SPATA17: variants seen among roughly 807,000 people sequenced by gnomAD.
The protein encoded by SPATA17 is spermatogenesis associated 17.
A neutral mutation model predicts 62.2 loss-of-function variants in SPATA17; 53 were observed. That is an observed-to-expected ratio of 0.85 (90% CI 0.68 to 1.07). The LOEUF (loss-of-function observed/expected upper bound fraction) is 1.07. Ranked by LOEUF, SPATA17 falls within the 50% of genes least tolerant of loss-of-function variation. The pLI is 0.00. For synonymous variants in SPATA17, 146 were observed against 146.8 expected, an observed-to-expected ratio of 0.99 and a Z score of 0.04; for missense variants, 466 against 425.5, an observed-to-expected ratio of 1.10 and a Z score of -0.84.
At chr1:217,667,250 T>C (rs930335355) in intron 3 of SPATA17, among the ~76,000 whole-genome samples, 1 of 151,928 alleles carries the variant, frequency 6.6e-6, no homozygotes, top group African/African-American at 2.4e-5. Context: ...GGTTTCACCA[T>C]GTTGGCCAGG....
At chr1:217,764,328 T>C (rs1391880558) in intron 6 of SPATA17, among the ~76,000 whole-genome samples, 2 of 152,204 alleles carry the variant, frequency 1.3e-5, no homozygotes, top group Non-Finnish European at 1.5e-5. Context: ...TGTCAGATTG[T>C]TGGAGTCATA....
Position 217,782,210 on chromosome 1 carries a change from C to T in SPATA17, c.760C>T (p.Arg254Cys), listed in dbSNP as rs145142638. ...AGATATCACCGAAGTATTAGAACAACGCTACAGGCCTTTGGAGCCAACGTT... is the reference window on the plus strand; with the variant it reads ...AGATATCACCGAAGTATTAGAACAATGCTACAGGCCTTTGGAGCCAACGTT... ...FRDITEVLEQ[R>C]YRPLEPTLRV... The change falls in exon 8 of 11, where the codon CGC (arginine) becomes TGC (cysteine). Residue 254 changes from arginine (R) to cysteine (C), a missense_variant. By Grantham distance (180) the Arg-to-Cys change is radical. Coordinates refer to ENST00000366933, the MANE Select transcript of SPATA17 (RefSeq NM_138796.4). 76 of 1,609,618 alleles carry T rather than the reference C, an allele frequency of 4.7e-5. No individual in the cohort carries two copies. The highest frequency in any genetic ancestry group is 1.7e-4 in the Middle Eastern group (1 of 6,052).
chr1:217,649,954 T>C (rs79466098), intron 2 of SPATA17, among the ~76,000 whole-genome samples: 17 of 149,664 alleles, frequency 1.1e-4, no homozygotes, highest in African/African-American at 4.2e-4. Flanking sequence ...TTTTTTTTTT[T>C]CTGAAACGGA....
intron 9 of SPATA17, among the ~76,000 whole-genome samples, chr1:217,828,419 A>G (rs1209696757): frequency 2.0e-5 from 3 of 150,650 alleles, no homozygotes; most frequent in Non-Finnish European, 3.0e-5. Flanking sequence ...ATACATAAAA[A>G]CCAACTTAAA....
chr1:217,749,506 C>T (rs1428067084), intron 6 of SPATA17, among the ~76,000 whole-genome samples: 46 of 151,828 alleles, frequency 3.0e-4, no homozygotes, highest in Admixed American at 2.8e-3. Flanking sequence ...AAACGATCCA[C>T]GATTCTAAAC....
At chr1:217,686,927 C>T (rs1671229897) in intron 5 of SPATA17, among the ~76,000 whole-genome samples, 1 of 152,166 alleles carries the variant, frequency 6.6e-6, no homozygotes, top group African/African-American at 2.4e-5. Flanking sequence ...CCATGTTGGC[C>T]AGGCTGGTCT....
rs1672861411 is a variant in SPATA17, at chr1:217,749,973, CTCTCTCTCTCTCTATA to C, written c.519+7877_519+7892del. Among the ~76,000 whole-genome samples, 5 of 43,740 alleles carry C rather than the reference CTCTCTCTCTCTCTATA, an allele frequency of 1.1e-4. No individual in the cohort carries two copies. The South Asian group carries it at 2.5e-3, about 22-fold the overall frequency. The allele number at this position is 43,740 out of a possible 152,430, so 28.7% of individuals were successfully genotyped here. A position where few individuals can be genotyped will look rare whatever the true frequency, so the allele number is the denominator to read the frequency against. On this transcript the variant is annotated intron_variant, in intron 6 of 10. Coordinates refer to ENST00000366933, the MANE Select transcript of SPATA17 (RefSeq NM_138796.4). Reference sequence around the variant, plus strand: ...TCTCTCTCTCTCTCTCTCTCTCTCTCTCTCTCTCTCTCTATATATATATATATATATATATATATGA... The same window carrying C: ...TCTCTCTCTCTCTCTCTCTCTCTCTCTATATATATATATATATATATATGA...
At chr1:217,817,199 C>T (rs17046884) in intron 9 of SPATA17, among the ~76,000 whole-genome samples, 51,824 of 151,814 alleles carry the variant, frequency 0.34, 10,076 homozygotes, top group African/African-American at 0.53. Context: ...AACAAATCTT[C>T]CAGGTGGTGA....
intron 6 of SPATA17, among the ~76,000 whole-genome samples, chr1:217,754,610 G>A (rs1672998092): frequency 6.6e-6 from 1 of 152,060 alleles, no homozygotes; most frequent in Admixed American, 6.6e-5. Flanking sequence ...GTCAGGTTAT[G>A]ATTTATCCTA....
intron 10 of SPATA17, among the ~76,000 whole-genome samples, chr1:217,863,119 CT>C (rs35673625): frequency 0.077 from 8,657 of 111,774 alleles, 223 homozygotes; most frequent in African/African-American, 0.15. Flanking sequence ...AATACTCTTT[CT>C]TTTTTTTTTT....
chr1:217,645,163 C>T (rs1348011921), intron 1 of SPATA17, among the ~76,000 whole-genome samples: 1 of 151,942 alleles, frequency 6.6e-6, no homozygotes, highest in African/African-American at 2.4e-5. Flanking sequence ...TTTTTAGTGC[C>T]TCCTTCCTTT....
chr1:217,722,614 G>T (rs1672160175), intron 5 of SPATA17, among the ~76,000 whole-genome samples: 1 of 152,108 alleles, frequency 6.6e-6, no homozygotes, highest in Admixed American at 6.6e-5. Context: ...ATATTTGAAT[G>T]AGCATTTTTA....
intron 6 of SPATA17, among the ~76,000 whole-genome samples, chr1:217,763,935 G>T (rs2102965073): frequency 1.3e-5 from 2 of 152,248 alleles, no homozygotes; most frequent in South Asian, 4.1e-4. Flanking sequence ...AGCAGTTTTA[G>T]ATTTATAGAA....
In SPATA17 at chr1:217,677,478, AGTTAATT is replaced by A. The variant is rs1670973531; in HGVS notation, c.292-5779_292-5773del. ...TTACATAGTTAGAGATAGATAGGTT[AGTTAATT>A]CAGAAAAAGGATACGGAAGGTCTTT... On this transcript the variant is annotated intron_variant, in intron 4 of 10. Coordinates refer to ENST00000366933, the MANE Select transcript of SPATA17 (RefSeq NM_138796.4). 2.6e-5 allele frequency among the ~76,000 whole-genome samples: 4 copies of A among 152,206 alleles called. No homozygotes were observed. The South Asian group carries it at 8.3e-4, about 32-fold the overall frequency.
intron 9 of SPATA17, among the ~76,000 whole-genome samples, chr1:217,814,104 G>T (rs1674660000): frequency 6.6e-6 from 1 of 152,084 alleles, no homozygotes; most frequent in Admixed American, 6.6e-5. Context: ...GTGCAATGAT[G>T]TGTCTAAGAT....
At chr1:217,661,180 G>A (rs1670560620) in intron 3 of SPATA17, among the ~76,000 whole-genome samples, 1 of 151,938 alleles carries the variant, frequency 6.6e-6, no homozygotes, top group African/African-American at 2.4e-5. Flanking sequence ...AGTACAGAAT[G>A]GTGTCTAAGA....
At chr1:217,846,948 C>A (rs991723726) in intron 9 of SPATA17, among the ~76,000 whole-genome samples, 22 of 151,844 alleles carry the variant, frequency 1.4e-4, no homozygotes, top group African/African-American at 4.1e-4. Flanking sequence ...CATTGGTCAG[C>A]AAAAATATAC....
At chr1:217,820,308 A>T (rs1040246388) in intron 9 of SPATA17, among the ~76,000 whole-genome samples, 1 of 152,084 alleles carries the variant, frequency 6.6e-6, no homozygotes, top group Non-Finnish European at 1.5e-5. Context: ...TCTGGATACA[A>T]TGTGGATACT....
At chr1:217,837,230 A>G (rs1427057310) in intron 9 of SPATA17, among the ~76,000 whole-genome samples, 1 of 152,144 alleles carries the variant, frequency 6.6e-6, no homozygotes, top group Non-Finnish European at 1.5e-5. Flanking sequence ...AAAAACAGTA[A>G]TATGGCTAAA....
Sources: gnomAD v4.1 joint callset for allele counts (sites outside exome capture counted in the v4.1 genomes callset) on GRCh38, gnomAD v4.1.1 for gene constraint, MANE v1.5 for transcripts, NCBI Gene and HGNC (gene_info 2026-07-23, HGNC 2026-07-21) for gene names.